FIP1L1: variants seen among roughly 807,000 people sequenced by gnomAD.
FIP1L1 encodes pre-mRNA 3'-end-processing factor FIP1.
FIP1L1 carries 21 observed loss-of-function variants against 84.6 expected under a neutral mutation model. The ratio of observed to expected loss-of-function variants is 0.25; its 90% confidence interval spans 0.18 to 0.36. The LOEUF is 0.36. FIP1L1 is among the 10% of genes least tolerant of loss of function. The probability of loss-of-function intolerance (pLI) is 1.00; values close to 1 mark genes in which losing one functional copy is unlikely to be tolerated. For missense variants in FIP1L1, 526 were observed against 751.1 expected, an observed-to-expected ratio of 0.70 and a Z score of 3.50; for synonymous variants, 263 against 242.3, an observed-to-expected ratio of 1.09 and a Z score of -0.80.
Position 53,450,755 on chromosome 4 carries a change from C to T in FIP1L1, c.1286-2165C>T, listed in dbSNP as rs1271241294. Among the ~76,000 whole-genome samples, 3 of 152,296 alleles carry T rather than the reference C, an allele frequency of 2.0e-5. No homozygotes were observed. In the East Asian group the frequency reaches 5.8e-4, roughly 29 times the overall value. ...CAGTAATTGAGAGAAATATGTTAAT[C>T]TCCCATGATCATGGTGAATTTCCTG... On this transcript the variant is annotated intron_variant, in intron 15 of 17. Transcript: ENST00000337488.
chr4:53,399,934 C>A, intron 10 of FIP1L1, 95 bp downstream of exon 10: 1 of 803,168 alleles, frequency 1.2e-6, no homozygotes, highest in Non-Finnish European at 1.9e-6. Flanking sequence ...GAATGTTTTA[C>A]CAAAAAACTG....
chr4:53,404,623 C>A (rs1410959441), intron 10 of FIP1L1, among the ~76,000 whole-genome samples: 2 of 151,148 alleles, frequency 1.3e-5, no homozygotes, highest in Non-Finnish European at 3.0e-5. Context: ...TTTACAGTCC[C>A]ACCAACAGTG....
At chr4:53,392,464 G>A (rs557023567) in intron 9 of FIP1L1, among the ~76,000 whole-genome samples, 3 of 152,114 alleles carry the variant, frequency 2.0e-5, no homozygotes, top group African/African-American at 4.8e-5. Context: ...TAAGTATTTG[G>A]TTCTTCTTTT....
chr4:53,412,491 C>G (rs1048846232), intron 10 of FIP1L1, among the ~76,000 whole-genome samples: 2 of 151,918 alleles, frequency 1.3e-5, no homozygotes, highest in African/African-American at 4.8e-5. Context: ...CTTAGCTTTT[C>G]TTTGTATTTC....
chr4:53,421,472 GC>G (rs1762403354), intron 11 of FIP1L1, among the ~76,000 whole-genome samples: 1 of 152,008 alleles, frequency 6.6e-6, no homozygotes, highest in African/African-American at 2.4e-5. Context: ...GTCTTTTAAG[GC>G]TCATCTCTTT....
At chr4:53,397,219 A>G (rs1364542448) in intron 9 of FIP1L1, among the ~76,000 whole-genome samples, 2 of 152,202 alleles carry the variant, frequency 1.3e-5, no homozygotes, top group Non-Finnish European at 2.9e-5. Flanking sequence ...GATGCTTTCA[A>G]AGGATTCCTT....
chr4:53,409,884 G>A (rs1223183602), intron 10 of FIP1L1, among the ~76,000 whole-genome samples: 3 of 152,196 alleles, frequency 2.0e-5, no homozygotes, highest in Non-Finnish European at 4.4e-5. Flanking sequence ...TTTTCCAGGT[G>A]CTGTCTGTCA....
intron 15 of FIP1L1, 147 bp from the exon 16 acceptor site, chr4:53,452,773 A>G (rs1716862917): frequency 1.6e-6 from 1 of 613,284 alleles, no homozygotes; most frequent in African/African-American, 1.8e-5. Context: ...GATCTTCCCG[A>G]TACTGTGGGT....
intron 15 of FIP1L1, among the ~76,000 whole-genome samples, chr4:53,448,543 G>T (rs1775133604): frequency 6.6e-6 from 1 of 152,058 alleles, no homozygotes; most frequent in African/African-American, 2.4e-5. Context: ...GTTAATTTAT[G>T]TAATCCTGAC....
intron 13 of FIP1L1, among the ~76,000 whole-genome samples, chr4:53,435,469 A>C (rs1215062356): frequency 6.6e-6 from 1 of 152,152 alleles, no homozygotes; most frequent in Non-Finnish European, 1.5e-5. Flanking sequence ...TTCTCTATTA[A>C]AAAACATAGG....
rs926639704 is a variant in FIP1L1 at position 53,390,620 on chromosome 4, G to A, written c.497G>A (p.Arg166His). The A allele has an allele frequency of 3.8e-6, 6 of 1,590,138 alleles. No homozygotes were observed. The highest frequency in any genetic ancestry group is 1.1e-5 in the South Asian group (1 of 89,714). ...DLDSFEDKPW[R>H]KPGADLSDYF... ...GATTCTTTTGAAGATAAACCATGGC[G>A]TAAACCTGGTAAGATTATTGTGGAT... The change falls in exon 7 of 18, where the codon CGT (arginine) becomes CAT (histidine). Residue 166 changes from arginine to histidine, a missense_variant. Arg to His is a conservative substitution (Grantham distance 29, BLOSUM62 0). This residue lies in a region of FIP1L1 where 169 missense variants were observed against 206.9 expected (regional missense o/e 0.82). Transcript: ENST00000337488.
chr4:53,406,752 C>T (rs1038631885), intron 10 of FIP1L1, among the ~76,000 whole-genome samples: 7 of 152,258 alleles, frequency 4.6e-5, no homozygotes, highest in South Asian at 2.1e-4. Context: ...GTGTATGTGT[C>T]GAGGAATTTA....
At chr4:53,409,393 C>T (rs1755770128) in intron 10 of FIP1L1, among the ~76,000 whole-genome samples, 1 of 152,180 alleles carries the variant, frequency 6.6e-6, no homozygotes, top group South Asian at 2.1e-4. Context: ...TGTGAGGTGT[C>T]AGTCTGCCCC....
chr4:53,387,560 T>C (rs984867554), intron 5 of FIP1L1, among the ~76,000 whole-genome samples: 2 of 152,030 alleles, frequency 1.3e-5, no homozygotes, highest in Non-Finnish European at 2.9e-5. Flanking sequence ...GCCTCTGCAA[T>C]TTTTCATACC....
At chr4:53,442,560 C>T in intron 13 of FIP1L1, 93 bp from the exon 14 acceptor site, 1 of 818,548 alleles carries the variant, frequency 1.2e-6, no homozygotes, top group South Asian at 1.5e-5. Context: ...TTCATATCCC[C>T]AGAGAAATTT....
At chr4:53,395,599 A>G (rs1488669378) in intron 9 of FIP1L1, among the ~76,000 whole-genome samples, 2 of 152,240 alleles carry the variant, frequency 1.3e-5, no homozygotes, top group African/African-American at 2.4e-5. Flanking sequence ...GTTATAAACT[A>G]CATGTTCTTT....
rs767473547 is a variant in FIP1L1, at chr4:53,377,804, T to C, written c.-35T>C. On this transcript the variant is annotated 5_prime_UTR_variant, in exon 1 of 18. Transcript: ENST00000337488. The stretch of plus-strand genomic sequence containing the variant: ...CTGGGGAAGGGGTTGGAGGGGGCTG[T>C]TGATCGCCGCGTTTAAGTTGCGCTC... 4.6e-6 allele frequency: 7 copies of C among 1,522,450 alleles called. No homozygotes were observed. In the South Asian group the frequency reaches 8.8e-5, roughly 19 times the overall value. 94.3% of individuals were successfully genotyped at this position (1,522,450 alleles called of 1,614,324 possible). A position where few individuals can be genotyped will look rare whatever the true frequency, so the allele number is the denominator to read the frequency against.
chr4:53,378,178 C>A lies in FIP1L1; in HGVS notation c.85+255C>A, dbSNP rs1321498021. 1.4e-5 allele frequency: 5 copies of A among 362,568 alleles called. No homozygotes were observed. The Middle Eastern group carries it at 2.1e-3, about 153-fold the overall frequency. 22.5% of individuals were successfully genotyped at this position (362,568 alleles called of 1,614,324 possible). ...GCTGGGGGGCTGTGACCGGTCCTGG[C>A]CCCCGGCTTCGCTGTGCTTTCCCCG... On this transcript the variant is annotated intron_variant, in intron 1 of 17. Transcript: ENST00000337488.
chr4:53,427,501 A>T (rs1004835092), intron 12 of FIP1L1, among the ~76,000 whole-genome samples: 3 of 151,954 alleles, frequency 2.0e-5, no homozygotes, highest in Admixed American at 6.6e-5. Flanking sequence ...AGTTACTTAC[A>T]TATCTTGCTG....
Sources: gnomAD v4.1 joint callset for allele counts (sites outside exome capture counted in the v4.1 genomes callset) on GRCh38, gnomAD v4.1.1 for gene constraint, gnomAD v4.1.1 regional missense constraint, MANE v1.5 for transcripts, NCBI Gene and HGNC (gene_info 2026-07-23, HGNC 2026-07-21) for gene names.